Variants in TBC1D1 observed in about 807,000 individuals in gnomAD.
TBC1D1 encodes TBC1 (tre-2/USP6, BUB2, cdc16) domain family, member 1.
TBC1D1 carries 89 observed loss-of-function variants against 125.6 expected under a neutral mutation model. The ratio of observed to expected loss-of-function variants is 0.71; its 90% CI spans 0.60 to 0.85. The LOEUF (loss-of-function observed/expected upper bound fraction) is 0.85, where lower values mean the gene tolerates loss of function less well. Among genes scored for constraint, TBC1D1 ranks in the 40% least tolerant of loss-of-function variants. The pLI, the probability that TBC1D1 is intolerant of heterozygous loss-of-function variation, is 0.00. For missense variants in TBC1D1, 1,377 were observed against 1,469.2 expected, an observed-to-expected ratio of 0.94 and a Z score of 1.03; for synonymous variants, 565 against 564.1, an observed-to-expected ratio of 1.00 and a Z score of -0.02.
At chr4:38,115,226 G>C (rs1762791465) in intron 15 of TBC1D1, among the ~76,000 whole-genome samples, 1 of 150,556 alleles carries the variant, frequency 6.6e-6, no homozygotes, top group Admixed American at 6.6e-5. Flanking sequence ...TCAGCCTCCC[G>C]AGTAGCTGGG....
chr4:38,133,521 GA>G (rs1426572953), intron 19 of TBC1D1, among the ~76,000 whole-genome samples: 1 of 152,216 alleles, frequency 6.6e-6, no homozygotes, highest in African/African-American at 2.4e-5. Context: ...GACAGGCCCA[GA>G]GATGAACTTG....
At chr4:37,922,910 C>A (rs1350712354) in intron 2 of TBC1D1, among the ~76,000 whole-genome samples, 2 of 151,890 alleles carry the variant, frequency 1.3e-5, no homozygotes, top group African/African-American at 4.8e-5. Context: ...TGAACGAAGA[C>A]AATAAGGAGG....
At chr4:38,007,677 G>C (rs2152417410) in intron 2 of TBC1D1, among the ~76,000 whole-genome samples, 1 of 152,316 alleles carries the variant, frequency 6.6e-6, no homozygotes, top group Middle Eastern at 3.4e-3. Context: ...TTTATGTGCT[G>C]CTTTATTCCC....
At chr4:38,015,898 CT>C (rs1420502641) in intron 3 of TBC1D1, among the ~76,000 whole-genome samples, 4 of 152,054 alleles carry the variant, frequency 2.6e-5, no homozygotes, top group Non-Finnish European at 2.9e-5. Context: ...ATGTTTTCAT[CT>C]TTTGACCATT....
chr4:38,085,928 G>C (rs1757406934), intron 12 of TBC1D1, among the ~76,000 whole-genome samples: 1 of 152,180 alleles, frequency 6.6e-6, no homozygotes, highest in East Asian at 1.9e-4. Context: ...CATCTCTCAA[G>C]ACTGCACACG....
At chr4:38,090,340 C>A (rs1387642759) in intron 13 of TBC1D1, among the ~76,000 whole-genome samples, 4 of 152,210 alleles carry the variant, frequency 2.6e-5, no homozygotes, top group African/African-American at 7.2e-5. Flanking sequence ...TCTATGGTCA[C>A]TGTTAGTACA....
At chr4:37,961,017 A>G (rs1729940017) in intron 2 of TBC1D1, 3 of 1,614,092 alleles carry the variant, frequency 1.9e-6, no homozygotes, top group Non-Finnish European at 2.5e-6. Context: ...TTGAATTGCC[A>G]GCTGTTTGCT....
At chr4:38,003,783 G>A (rs1388475636) in intron 2 of TBC1D1, among the ~76,000 whole-genome samples, 6 of 151,296 alleles carry the variant, frequency 4.0e-5, no homozygotes, top group African/African-American at 1.2e-4. Context: ...TGGGATAATC[G>A]CTCAAGCCTG....
chr4:38,030,027 A>G (rs1441839052), intron 7 of TBC1D1, among the ~76,000 whole-genome samples: 2 of 152,216 alleles, frequency 1.3e-5, no homozygotes, highest in Non-Finnish European at 2.9e-5. Flanking sequence ...TGGCCCACTT[A>G]CTGTTCTAGA....
intron 10 of TBC1D1, among the ~76,000 whole-genome samples, chr4:38,048,366 T>C (rs993101490): frequency 6.6e-6 from 1 of 152,192 alleles, no homozygotes; most frequent in Non-Finnish European, 1.5e-5. Flanking sequence ...TGTTCTGTGA[T>C]GTATTGTCTT....
chr4:38,104,510 G>T (rs1184211008), intron 15 of TBC1D1, among the ~76,000 whole-genome samples: 2 of 152,182 alleles, frequency 1.3e-5, no homozygotes, highest in Non-Finnish European at 2.9e-5. Context: ...TAGGAGATGG[G>T]CCCTGCTGCT....
chr4:37,947,161 GTTTA>G (rs1726875403), intron 2 of TBC1D1, among the ~76,000 whole-genome samples: 1 of 152,132 alleles, frequency 6.6e-6, no homozygotes, highest in Middle Eastern at 3.4e-3. Context: ...TTATTTATGT[GTTTA>G]TTTATTTTTG....
intron 2 of TBC1D1, among the ~76,000 whole-genome samples, chr4:37,940,367 T>A (rs1438856174): frequency 6.6e-6 from 1 of 152,206 alleles, no homozygotes; most frequent in Non-Finnish European, 1.5e-5. Context: ...TTTTGCGCAT[T>A]GATTTTGTAT....
intron 2 of TBC1D1, among the ~76,000 whole-genome samples, chr4:37,966,600 A>G (rs1382622499): frequency 1.3e-5 from 2 of 152,186 alleles, no homozygotes; most frequent in Non-Finnish European, 1.5e-5. Context: ...ATAATCTATG[A>G]GTTTCTTTGC....
chr4:38,105,796 T>A (rs1272480245), intron 15 of TBC1D1, among the ~76,000 whole-genome samples: 1 of 152,220 alleles, frequency 6.6e-6, no homozygotes, highest in Non-Finnish European at 1.5e-5. Flanking sequence ...TGCAGAGTAT[T>A]GCATGGTGTC....
chr4:38,078,697 T>C (rs1182626147), intron 12 of TBC1D1, among the ~76,000 whole-genome samples: 1 of 152,190 alleles, frequency 6.6e-6, no homozygotes, highest in Non-Finnish European at 1.5e-5. Flanking sequence ...TAGAATACAC[T>C]TGTACTGCCA....
chr4:38,104,032 C>T (rs367980827), intron 15 of TBC1D1, among the ~76,000 whole-genome samples: 19 of 151,684 alleles, frequency 1.3e-4, no homozygotes, highest in African/African-American at 3.9e-4. Context: ...TGGTGGTGGG[C>T]GCCTATAGTC....
chr4:38,126,747 C>T (rs1193358781), intron 18 of TBC1D1, among the ~76,000 whole-genome samples: 1 of 152,090 alleles, frequency 6.6e-6, no homozygotes, highest in Non-Finnish European at 1.5e-5. Flanking sequence ...TCAGTGCAGG[C>T]CGCACTCCTG....
At chr4:38,010,447 T>C (rs1175775144) in intron 2 of TBC1D1, among the ~76,000 whole-genome samples, 4 of 152,240 alleles carry the variant, frequency 2.6e-5, no homozygotes, top group African/African-American at 9.6e-5. Context: ...CTCCCGGATG[T>C]GAGCTGCTCA....
Sources: allele counts gnomAD v4.1 joint callset (sites outside exome capture counted in the v4.1 genomes callset), GRCh38; gene constraint gnomAD v4.1.1; transcripts MANE v1.5; gene names NCBI Gene and HGNC (gene_info 2026-07-23, HGNC 2026-07-21).